Variants in RUNX1 observed in about 807,000 individuals in gnomAD.
RUNX1 encodes runt-related transcription factor 1.
A neutral mutation model predicts 42.8 loss-of-function variants in RUNX1; 19 were observed. The ratio of observed to expected loss-of-function variants is 0.44; its 90% CI spans 0.31 to 0.65. The LOEUF (loss-of-function observed/expected upper bound fraction) is 0.65. Ranked by LOEUF, RUNX1 falls within the 30% of genes least tolerant of loss-of-function variation. The probability of loss-of-function intolerance (pLI) is 0.07; values close to 1 mark genes in which losing one functional copy is unlikely to be tolerated. For synonymous variants in RUNX1, 271 were observed against 289.4 expected, an observed-to-expected ratio of 0.94 and a Z score of 0.64; for missense variants, 528 against 672.0, an observed-to-expected ratio of 0.79 and a Z score of 2.37.
At chr21:34,988,123 G>A (rs1321099606) in intron 2 of RUNX1, among the ~76,000 whole-genome samples, 1 of 152,138 alleles carries the variant, frequency 6.6e-6, no homozygotes, top group East Asian at 1.9e-4. Flanking sequence ...TCAAGGCTGG[G>A]CTTAGGATCC....
intron 2 of RUNX1, among the ~76,000 whole-genome samples, chr21:35,001,755 C>T (rs2146877904): frequency 1.3e-5 from 2 of 152,174 alleles, no homozygotes; most frequent in South Asian, 4.1e-4. Flanking sequence ...CTAAAGAATC[C>T]TGAAATAAAA....
intron 2 of RUNX1, among the ~76,000 whole-genome samples, chr21:35,035,875 G>A (rs1008655382): frequency 6.6e-6 from 1 of 152,202 alleles, no homozygotes; most frequent in South Asian, 2.1e-4. Flanking sequence ...AAGAGGAATA[G>A]AGAGATGTGA....
intron 2 of RUNX1, among the ~76,000 whole-genome samples, chr21:35,017,443 T>C (rs2059167410): frequency 6.6e-6 from 1 of 152,098 alleles, no homozygotes; most frequent in African/African-American, 2.4e-5. Context: ...ACATTTTGGT[T>C]AGGGATCAGG....
At chr21:34,908,862 T>G (rs1323180481) in intron 2 of RUNX1, among the ~76,000 whole-genome samples, 4 of 152,186 alleles carry the variant, frequency 2.6e-5, no homozygotes, top group Non-Finnish European at 5.9e-5. Flanking sequence ...TGTAACAGGC[T>G]TATCTTATAA....
intron 2 of RUNX1, among the ~76,000 whole-genome samples, chr21:35,034,543 T>C (rs1275164971): frequency 6.6e-6 from 1 of 152,232 alleles, no homozygotes; most frequent in Non-Finnish European, 1.5e-5. Context: ...CCAAAAAACA[T>C]TCCAGATTTT....
rs555272801 is a variant in RUNX1, at chr21:35,032,711, A to G, written c.58+16131T>C. Among the ~76,000 whole-genome samples the G allele has an allele frequency of 2.3e-3, 356 of 152,316 alleles. 4 individuals are homozygous for G. Among genetic ancestry groups the G allele is most frequent in the African/African-American group, 7.9e-3 (329 of 41,562 alleles). On this transcript the variant is annotated intron_variant, in intron 2 of 8. Coordinates refer to ENST00000675419, the MANE Select transcript of RUNX1 (RefSeq NM_001754.5). ...ATGACTTCCAGCCTGGCACCTCTGG[A>G]CAGAATTGGAACCACCTCCATGTTG... is the stretch of plus-strand genomic sequence containing the variant.
intron 2 of RUNX1, among the ~76,000 whole-genome samples, chr21:35,008,110 C>T (rs893029749): frequency 3.3e-5 from 5 of 152,226 alleles, no homozygotes; most frequent in Non-Finnish European, 7.3e-5. Flanking sequence ...TCTTCACTCC[C>T]TCATCTGCTT....
At chr21:34,987,295 G>A (rs576158351) in intron 2 of RUNX1, among the ~76,000 whole-genome samples, 17 of 152,308 alleles carry the variant, frequency 1.1e-4, no homozygotes, top group African/African-American at 4.1e-4. Context: ...AAGAACAGGA[G>A]CATGTAGCCA....
At chr21:34,923,421 A>G (rs916741720) in intron 2 of RUNX1, among the ~76,000 whole-genome samples, 1 of 152,214 alleles carries the variant, frequency 6.6e-6, no homozygotes, top group Non-Finnish European at 1.5e-5. Context: ...CCCTGATGAC[A>G]GTTATGCACG....
At chr21:34,897,313 G>T (rs548679890) in intron 2 of RUNX1, among the ~76,000 whole-genome samples, 1 of 152,304 alleles carries the variant, frequency 6.6e-6, no homozygotes, top group African/African-American at 2.4e-5. Context: ...TCTGAAAAAG[G>T]GGGTTCCTGC....
intron 2 of RUNX1, among the ~76,000 whole-genome samples, chr21:34,915,662 T>G (rs2058306887): frequency 6.6e-6 from 1 of 152,224 alleles, no homozygotes; most frequent in Non-Finnish European, 1.5e-5. Flanking sequence ...TTGTTGTTTC[T>G]TGGCAAAGTG....
intron 2 of RUNX1, among the ~76,000 whole-genome samples, chr21:35,000,536 A>G (rs1170251905): frequency 6.6e-6 from 1 of 152,070 alleles, no homozygotes; most frequent in African/African-American, 2.4e-5. Context: ...CACCGCACCC[A>G]GCCTCATATA....
chr21:34,821,557 G>T lies in RUNX1; in HGVS notation c.805+12853C>A, dbSNP rs2056908376. ...ACCCACATTCTGCCTTCCTCATAAC[G>T]TGCATTCTGAGGGCTGTCATCTTTC... On this transcript the variant is annotated intron_variant, in intron 7 of 8. Transcript: ENST00000675419. The T allele has an allele frequency of 2.6e-6, 4 of 1,539,354 alleles. No individual in the cohort carries two copies. In the East Asian group the frequency reaches 9.8e-5, roughly 38 times the overall value.
At chr21:34,813,875 G>A (rs535422570) in intron 7 of RUNX1, among the ~76,000 whole-genome samples, 2 of 151,798 alleles carry the variant, frequency 1.3e-5, no homozygotes, top group South Asian at 2.1e-4. Context: ...GCTGCAGTGC[G>A]GAATGGTGAA....
intron 6 of RUNX1, chr21:34,856,233 TTGA>T (rs2057493572): frequency 4.6e-6 from 2 of 432,036 alleles, no homozygotes; most frequent in East Asian, 7.0e-5. Context: ...GAATGGCAGG[TTGA>T]ATGGCAGTTT....
chr21:34,964,953 C>T (rs1237111499), intron 2 of RUNX1, among the ~76,000 whole-genome samples: 3 of 152,048 alleles, frequency 2.0e-5, no homozygotes, highest in Admixed American at 2.0e-4. Flanking sequence ...TGTACACATG[C>T]ATGTACTCAT....
At chr21:34,891,536 C>A (rs1180775184) in intron 3 of RUNX1, among the ~76,000 whole-genome samples, 9 of 152,090 alleles carry the variant, frequency 5.9e-5, no homozygotes, top group Admixed American at 3.3e-4. Flanking sequence ...CAAGGACAGC[C>A]ACAGCGTGTA....
At chr21:35,047,553 ACACACACACTCTCTCTCTCT>A (rs1327729652) in intron 2 of RUNX1, among the ~76,000 whole-genome samples, 14 of 90,010 alleles carry the variant, frequency 1.6e-4, no homozygotes, top group African/African-American at 7.0e-4. Flanking sequence ...ACACACACAC[ACACACACACTCTCTCTCTCT>A]CTCTCTCTCT....
At chr21:35,046,251 T>C (rs1027195225) in intron 2 of RUNX1, among the ~76,000 whole-genome samples, 18 of 152,218 alleles carry the variant, frequency 1.2e-4, no homozygotes, top group Admixed American at 7.2e-4. Flanking sequence ...TGTGCCAGTC[T>C]CTCAGACTCC....
Sources: allele counts gnomAD v4.1 joint callset (sites outside exome capture counted in the v4.1 genomes callset), GRCh38; gene constraint gnomAD v4.1.1; transcripts MANE v1.5; gene names NCBI Gene and HGNC (gene_info 2026-07-23, HGNC 2026-07-21).